AAK1: variants seen among roughly 807,000 people sequenced by gnomAD.
The protein encoded by AAK1 is AP2-associated protein kinase 1.
In AAK1, 37 loss-of-function variants were observed where a neutral mutation model predicts 116.0. The observed-to-expected ratio is 0.32, with a 90% confidence interval of 0.25 to 0.42. The LOEUF is 0.42. Ranked by LOEUF, AAK1 falls within the 10% of genes least tolerant of loss-of-function variation. The pLI is 1.00. For synonymous variants in AAK1, 458 were observed against 439.9 expected, an observed-to-expected ratio of 1.04 and a Z score of -0.51; for missense variants, 919 against 1,170.6, an observed-to-expected ratio of 0.79 and a Z score of 3.14.
intron 2 of AAK1, among the ~76,000 whole-genome samples, chr2:69,633,755 G>A (rs1675319478): frequency 6.6e-6 from 1 of 152,166 alleles, no homozygotes; most frequent in African/African-American, 2.4e-5. Flanking sequence ...CTGATATTTT[G>A]TTACAGCAGC....
intron 5 of AAK1, among the ~76,000 whole-genome samples, chr2:69,532,976 T>C (rs554683742): frequency 6.6e-6 from 1 of 152,280 alleles, no homozygotes; most frequent in Non-Finnish European, 1.5e-5. Flanking sequence ...CACTATGTAC[T>C]CAAGGTGTAC....
intron 2 of AAK1, among the ~76,000 whole-genome samples, chr2:69,585,253 G>T (rs112614058): frequency 6.6e-6 from 1 of 151,946 alleles, no homozygotes; most frequent in Non-Finnish European, 1.5e-5. Flanking sequence ...GTAGAGATGG[G>T]GTCTCACTTT....
At chr2:69,617,570 G>C (rs1240924490) in intron 2 of AAK1, among the ~76,000 whole-genome samples, 1 of 152,214 alleles carries the variant, frequency 6.6e-6, no homozygotes, top group Non-Finnish European at 1.5e-5. Flanking sequence ...TCCAAGTTGG[G>C]TCAGGGATGA....
At chr2:69,583,514 A>G (rs1301816847) in intron 2 of AAK1, among the ~76,000 whole-genome samples, 3 of 152,210 alleles carry the variant, frequency 2.0e-5, no homozygotes, top group Non-Finnish European at 4.4e-5. Context: ...TCTCTGAAAG[A>G]GTGTTCAGGA....
chr2:69,501,675 A>C (rs1675983206), intron 16 of AAK1, among the ~76,000 whole-genome samples: 1 of 152,218 alleles, frequency 6.6e-6, no homozygotes, highest in African/African-American at 2.4e-5. Context: ...CAAATATAAG[A>C]AAAACAAGAA....
chr2:69,510,144 C>T (rs1211209140), intron 13 of AAK1, among the ~76,000 whole-genome samples: 1 of 152,142 alleles, frequency 6.6e-6, no homozygotes, highest in East Asian at 1.9e-4. Context: ...ATTTTGTCAC[C>T]AAGGTACTAA....
chr2:69,599,712 A>G (rs1673473953), intron 2 of AAK1, among the ~76,000 whole-genome samples: 3 of 152,216 alleles, frequency 2.0e-5, no homozygotes, highest in Admixed American at 2.0e-4. Flanking sequence ...TATAGAGAGA[A>G]TTAAAGCAAG....
intron 2 of AAK1, among the ~76,000 whole-genome samples, chr2:69,583,798 T>A (rs1179189585): frequency 6.6e-6 from 1 of 152,226 alleles, no homozygotes; most frequent in Admixed American, 6.5e-5. Context: ...GTGTTTCTAT[T>A]CTAAGTTGAC....
At chr2:69,585,028 A>G (rs1385294920) in intron 2 of AAK1, among the ~76,000 whole-genome samples, 1 of 152,138 alleles carries the variant, frequency 6.6e-6, no homozygotes, top group Non-Finnish European at 1.5e-5. Context: ...AAAGTCATCT[A>G]CATACATGTT....
chr2:69,541,858 T>C (rs1300091315), intron 5 of AAK1, among the ~76,000 whole-genome samples: 6 of 152,356 alleles, frequency 3.9e-5, no homozygotes, highest in South Asian at 2.1e-4. Flanking sequence ...ATTTAGAATC[T>C]GAAGGCTGGA....
intron 16 of AAK1, among the ~76,000 whole-genome samples, chr2:69,497,050 T>C (rs1404189854): frequency 2.0e-5 from 3 of 152,182 alleles, no homozygotes; most frequent in Admixed American, 6.5e-5. Flanking sequence ...AATTTTCTTA[T>C]TTCCCCATAA....
intron 16 of AAK1, among the ~76,000 whole-genome samples, chr2:69,497,795 T>C (rs900526618): frequency 7.2e-5 from 11 of 152,138 alleles, no homozygotes; most frequent in Admixed American, 5.2e-4. Flanking sequence ...CTGTGAACCC[T>C]TCAACCAGCT....
At chr2:69,491,099 G>T (rs1295736569) in intron 17 of AAK1, among the ~76,000 whole-genome samples, 3 of 151,680 alleles carry the variant, frequency 2.0e-5, no homozygotes, top group Admixed American at 6.6e-5. Flanking sequence ...ACTATGCCTG[G>T]CTAATTAAAA....
intron 21 of AAK1, among the ~76,000 whole-genome samples, 183 bp downstream of exon 21, chr2:69,476,697 G>A (rs936421701): frequency 4.6e-5 from 7 of 152,014 alleles, no homozygotes; most frequent in Admixed American, 3.9e-4. Context: ...TAAACACCAC[G>A]GTCAAACTTT....
chr2:69,623,043 G>A (rs984564772), intron 2 of AAK1, among the ~76,000 whole-genome samples: 1 of 152,064 alleles, frequency 6.6e-6, no homozygotes, highest in Non-Finnish European at 1.5e-5. Context: ...CTTCCACACC[G>A]TGGAAGCTTT....
Position 69,474,476 on chromosome 2 carries a change from C to A in AAK1, c.*1393G>T. Reference sequence around the variant, plus strand: ...CATGAGGCATGTTGTCATGTTAGTGCAGGGGCCTTTATTTATTTTATGAAC... The same window carrying A: ...CATGAGGCATGTTGTCATGTTAGTGAAGGGGCCTTTATTTATTTTATGAAC... On this transcript the variant is annotated 3_prime_UTR_variant, in exon 22 of 22. Transcript: ENST00000409085. 1 of 985,192 alleles carries A rather than the reference C, an allele frequency of 1.0e-6. No homozygotes were observed. The highest frequency in any genetic ancestry group is 4.7e-5 in the South Asian group (1 of 21,262). 61.0% of individuals were successfully genotyped at this position (985,192 alleles called of 1,614,324 possible).
chr2:69,532,297 C>A, intron 5 of AAK1, 135 bp from the exon 6 acceptor site: 1 of 1,070,976 alleles, frequency 9.3e-7, no homozygotes, highest in Non-Finnish European at 1.3e-6. Context: ...TTATTCCTCT[C>A]CAAGTATCTC....
intron 17 of AAK1, among the ~76,000 whole-genome samples, chr2:69,495,478 G>T (rs775652890): frequency 2.6e-5 from 4 of 152,110 alleles, no homozygotes; most frequent in Non-Finnish European, 5.9e-5. Context: ...GTCTCCTGAC[G>T]CACATTCCCT....
At chr2:69,559,416 C>A (rs1007931116) in intron 2 of AAK1, among the ~76,000 whole-genome samples, 4 of 152,106 alleles carry the variant, frequency 2.6e-5, no homozygotes, top group Non-Finnish European at 4.4e-5. Flanking sequence ...TTCTTCCCCC[C>A]ACCCCCTGCC....
Sources: gnomAD v4.1 joint callset for allele counts (sites outside exome capture counted in the v4.1 genomes callset) on GRCh38, gnomAD v4.1.1 for gene constraint, MANE v1.5 for transcripts, NCBI Gene and HGNC (gene_info 2026-07-23, HGNC 2026-07-21) for gene names.